Variants in MAST2 observed in about 807,000 individuals in gnomAD.
MAST2 encodes the protein microtubule-associated serine/threonine-protein kinase 2.
MAST2 carries 70 observed loss-of-function variants against 147.4 expected under a neutral mutation model. That is an observed-to-expected ratio of 0.47 (90% CI 0.39 to 0.58). The LOEUF (loss-of-function observed/expected upper bound fraction) is 0.58. MAST2 is among the 20% of genes least tolerant of loss of function. The pLI is 0.00. For missense variants in MAST2, 2,080 were observed against 2,302.3 expected (o/e 0.90, Z 1.98); for synonymous variants, 869 against 896.8 (o/e 0.97, Z 0.55).
chr1:45,847,331 C>G (rs1645469687), intron 3 of MAST2: 1 of 497,290 alleles, frequency 2.0e-6, no homozygotes, highest in African/African-American at 2.0e-5. Flanking sequence ...GTAACTCAAT[C>G]TGCTCCAACT....
chr1:45,911,986 A>T (rs927980355), intron 4 of MAST2, among the ~76,000 whole-genome samples: 1 of 151,506 alleles, frequency 6.6e-6, no homozygotes, highest in Non-Finnish European at 1.5e-5. Flanking sequence ...TTAGCTGGGG[A>T]TGGGAGGATA....
In MAST2 at chr1:46,030,663, G is replaced by A. The variant is rs368953498; in HGVS notation, c.2610G>A (p.Pro870=). 3.5e-5 allele frequency: 56 copies of A among 1,611,592 alleles called. No homozygotes were observed. Among genetic ancestry groups the A allele is most frequent in the South Asian group, 1.4e-4 (13 of 90,504 alleles). Residue 870 remains proline (P), a synonymous_variant, in exon 22 of 29, where the codon CCG becomes CCA. Coordinates refer to ENST00000361297, the MANE Select transcript of MAST2 (RefSeq NM_015112.3). The part of the protein sequence containing the change: ...SLLEERRTPP[P]TKRSLSEEKE... ...TCGAGGAGCGCCGGACACCACCCCCGACCAAGCGCAGCCTGAGTGAGGAGA... is the reference window on the plus strand; with the variant it reads ...TCGAGGAGCGCCGGACACCACCCCCAACCAAGCGCAGCCTGAGTGAGGAGA...
chr1:45,863,347 G>T (rs1305382935), intron 3 of MAST2, among the ~76,000 whole-genome samples: 1 of 152,134 alleles, frequency 6.6e-6, no homozygotes, highest in Non-Finnish European at 1.5e-5. Flanking sequence ...ATGCAAATCA[G>T]CTGTCTGTTC....
At chr1:45,812,239 G>A (rs770660871) in intron 1 of MAST2, among the ~76,000 whole-genome samples, 1 of 151,998 alleles carries the variant, frequency 6.6e-6, no homozygotes, top group Non-Finnish European at 1.5e-5. Flanking sequence ...TATGGGTAAG[G>A]GCTAGCTCCT....
At chr1:45,862,926 A>G (rs879478446) in intron 3 of MAST2, among the ~76,000 whole-genome samples, 3 of 152,200 alleles carry the variant, frequency 2.0e-5, no homozygotes, top group African/African-American at 2.4e-5. Context: ...TGACACTCCC[A>G]TAGCACTTTG....
intron 10 of MAST2, among the ~76,000 whole-genome samples, chr1:46,018,467 G>A (rs957479891): frequency 2.0e-5 from 3 of 152,144 alleles, no homozygotes; most frequent in African/African-American, 7.2e-5. Flanking sequence ...CATTATAAGA[G>A]TAAAAGGAGT....
At chr1:45,832,359 G>T (rs1644984776) in intron 3 of MAST2, among the ~76,000 whole-genome samples, 1 of 150,348 alleles carries the variant, frequency 6.7e-6, no homozygotes, top group African/African-American at 2.5e-5. Context: ...GGAGTGCAGT[G>T]TCATGATCTT....
intron 3 of MAST2, chr1:45,847,741 A>G (rs1200418830): frequency 8.1e-6 from 2 of 247,550 alleles, no homozygotes; most frequent in East Asian, 2.1e-4. Context: ...TTTTTTTAAG[A>G]TGAGATTTTG....
intron 3 of MAST2, among the ~76,000 whole-genome samples, chr1:45,857,172 C>CT (rs1171815072): frequency 2.6e-5 from 4 of 152,110 alleles, no homozygotes; most frequent in Non-Finnish European, 4.4e-5. Context: ...GGATTTTTAT[C>CT]TATTTCTATT....
chr1:45,847,420 G>C, intron 3 of MAST2: 4 of 549,826 alleles, frequency 7.3e-6, no homozygotes, highest in Non-Finnish European at 6.9e-6. Context: ...TTTTGGGGGG[G>C]ATCAAGATGA....
At chr1:45,982,857 C>T (rs1644466882) in intron 5 of MAST2, among the ~76,000 whole-genome samples, 1 of 152,144 alleles carries the variant, frequency 6.6e-6, no homozygotes, top group South Asian at 2.1e-4. Context: ...ACTGTGGGGT[C>T]TATGCTAACT....
Position 45,857,425 on chromosome 1 carries a change from T to G in MAST2, c.469-24939T>G, listed in dbSNP as rs1240638133. Among the ~76,000 whole-genome samples the G allele has an allele frequency of 2.6e-5, 4 of 152,270 alleles. No homozygotes were observed. The East Asian group carries it at 7.7e-4, about 29-fold the overall frequency. ...AAAAGGCCTTTCTATTTGGAAGGAA[T>G]TTTACTTGATTGATTGACTCTCTGT... On this transcript the variant is annotated intron_variant, in intron 3 of 28. Transcript: ENST00000361297.
chr1:45,989,141 A>T (rs1644763371), intron 5 of MAST2, among the ~76,000 whole-genome samples: 1 of 152,132 alleles, frequency 6.6e-6, no homozygotes, highest in African/African-American at 2.4e-5. Flanking sequence ...GTCTGTATTT[A>T]TATTAAACAT....
chr1:46,002,749 T>TTG (rs1218130220), intron 6 of MAST2, 56 bp from the exon 7 acceptor site: 2 of 1,504,878 alleles, frequency 1.3e-6, no homozygotes, highest in Non-Finnish European at 9.2e-7. Context: ...GACAGGCAGG[T>TTG]TGTGGGTCAG....
chr1:45,958,459 T>G (rs1659953394), intron 4 of MAST2, among the ~76,000 whole-genome samples: 1 of 151,956 alleles, frequency 6.6e-6, no homozygotes, highest in Admixed American at 6.6e-5. Flanking sequence ...ACTTCCCTAG[T>G]TAGCACTCCC....
chr1:45,913,229 C>T (rs1651946972), intron 4 of MAST2, among the ~76,000 whole-genome samples: 1 of 152,078 alleles, frequency 6.6e-6, no homozygotes, highest in African/African-American at 2.4e-5. Context: ...ACATTAAAGC[C>T]CTGTAGTCTT....
chr1:45,967,757 T>C (rs1661449222), intron 5 of MAST2, among the ~76,000 whole-genome samples: 1 of 152,182 alleles, frequency 6.6e-6, no homozygotes. Flanking sequence ...AGTGAACCCG[T>C]ACAGTTCAAA....
At chr1:45,930,685 A>AT in intron 4 of MAST2, among the ~76,000 whole-genome samples, 1 of 152,198 alleles carries the variant, frequency 6.6e-6, no homozygotes, top group South Asian at 2.1e-4. Context: ...TAGCAGAAAT[A>AT]TTTTTTTAAT....
chr1:45,858,201 A>G (rs1203517259), intron 3 of MAST2, among the ~76,000 whole-genome samples: 1 of 152,164 alleles, frequency 6.6e-6, no homozygotes, highest in East Asian at 1.9e-4. Flanking sequence ...GTCTTCCACA[A>G]TGGTTGAACT....
Sources: allele counts gnomAD v4.1 joint callset (sites outside exome capture counted in the v4.1 genomes callset), GRCh38; gene constraint gnomAD v4.1.1; transcripts MANE v1.5; gene names NCBI Gene and HGNC (gene_info 2026-07-23, HGNC 2026-07-21).